ITPR2: variants seen among roughly 807,000 people sequenced by gnomAD.
The protein encoded by ITPR2 is inositol 1,4,5-trisphosphate receptor type 2, also known as inositol 1,4,5-trisphosphate-gated calcium channel ITPR2.
In ITPR2, 207 loss-of-function variants were observed where a neutral mutation model predicts 317.1. The observed-to-expected ratio is 0.65, with a 90% CI of 0.58 to 0.73. ITPR2 has a LOEUF of 0.73. ITPR2 is among the 30% of genes least tolerant of loss of function. ITPR2 has a pLI of 0.00. For missense variants in ITPR2, 2,613 were observed against 3,284.0 expected (o/e 0.80, Z 4.99); for synonymous variants, 1,156 against 1,149.1 (o/e 1.01, Z -0.12).
chr12:26,788,698 C>T (rs192222461), intron 2 of ITPR2, among the ~76,000 whole-genome samples: 19 of 152,208 alleles, frequency 1.2e-4, no homozygotes, highest in Non-Finnish European at 2.4e-4. Context: ...TTAGACACTG[C>T]GGGACCTTCT....
chr12:26,785,102 T>C (rs1369597907), intron 2 of ITPR2, among the ~76,000 whole-genome samples: 2 of 30,268 alleles, frequency 6.6e-5, no homozygotes, highest in Non-Finnish European at 8.3e-5. Context: ...AGCCCCTCCG[T>C]CCGGCAGCCA....
intron 32 of ITPR2, among the ~76,000 whole-genome samples, chr12:26,592,223 T>C (rs11834797): frequency 5.9e-5 from 9 of 152,194 alleles, no homozygotes; most frequent in African/African-American, 2.2e-4. Context: ...TTCATGGAGA[T>C]AGAGAATAAA....
At chr12:26,608,140 T>C (rs1325901657) in intron 26 of ITPR2, among the ~76,000 whole-genome samples, 1 of 152,012 alleles carries the variant, frequency 6.6e-6, no homozygotes, top group African/African-American at 2.4e-5. Flanking sequence ...AATAAATAAA[T>C]AAAATAATGG....
At chr12:26,817,256 C>T (rs1278250081) in intron 1 of ITPR2, among the ~76,000 whole-genome samples, 6 of 149,424 alleles carry the variant, frequency 4.0e-5, no homozygotes, top group African/African-American at 5.0e-5. Flanking sequence ...CACAAGATGA[C>T]GTTTGTATCT....
chr12:26,466,775 G>C (rs1233377391), intron 45 of ITPR2, among the ~76,000 whole-genome samples: 1 of 152,110 alleles, frequency 6.6e-6, no homozygotes, highest in African/African-American at 2.4e-5. Context: ...CAGGGTGCAG[G>C]GGTGGAATAA....
intron 1 of ITPR2, among the ~76,000 whole-genome samples, chr12:26,829,680 G>T (rs1025280500): frequency 1.3e-5 from 2 of 152,132 alleles, no homozygotes; most frequent in Non-Finnish European, 2.9e-5. Context: ...CTATTCCAGT[G>T]AAGGCCAGGA....
intron 55 of ITPR2, among the ~76,000 whole-genome samples, chr12:26,371,329 A>G (rs1465261396): frequency 2.6e-5 from 4 of 152,356 alleles, no homozygotes; most frequent in Non-Finnish European, 5.9e-5. Flanking sequence ...AAAGGACCTT[A>G]GAGATCAATT....
chr12:26,467,880 G>C (rs1942205516), intron 45 of ITPR2, among the ~76,000 whole-genome samples: 2 of 152,070 alleles, frequency 1.3e-5, no homozygotes, highest in South Asian at 4.1e-4. Context: ...CCTATTAGAG[G>C]ATTTAAATCT....
intron 1 of ITPR2, among the ~76,000 whole-genome samples, chr12:26,804,502 G>C (rs1950609799): frequency 6.6e-6 from 1 of 152,058 alleles, no homozygotes; most frequent in African/African-American, 2.4e-5. Flanking sequence ...ACCTCTGAAA[G>C]CTGAGCAAAC....
At chr12:26,666,163 T>TAGATAGATAGATAGATAGATG in intron 13 of ITPR2, 112 bp from the exon 14 acceptor site, 1 of 411,848 alleles carries the variant, frequency 2.4e-6, no homozygotes, top group Admixed American at 8.1e-5. Flanking sequence ...GATAGATAGA[T>TAGATAGATAGATAGATAGATG]TTTTTTTTAC....
chr12:26,569,806 C>G (rs574537457), intron 34 of ITPR2, among the ~76,000 whole-genome samples: 1 of 152,210 alleles, frequency 6.6e-6, no homozygotes, highest in South Asian at 2.1e-4. Context: ...TGGCAAAAAT[C>G]TAACGCACTG....
At chr12:26,479,690 C>G (rs551972537) in intron 43 of ITPR2, among the ~76,000 whole-genome samples, 1 of 152,128 alleles carries the variant, frequency 6.6e-6, no homozygotes, top group South Asian at 2.1e-4. Flanking sequence ...ATGTAAGAAT[C>G]GTCTTTGCTA....
At chr12:26,783,708 T>C (rs1292381460) in intron 2 of ITPR2, among the ~76,000 whole-genome samples, 4 of 152,190 alleles carry the variant, frequency 2.6e-5, no homozygotes, top group African/African-American at 9.7e-5. Flanking sequence ...ACTCTGTTGG[T>C]ATCATATGAG....
At chr12:26,556,722 G>A (rs942653614) in intron 35 of ITPR2, among the ~76,000 whole-genome samples, 3 of 149,612 alleles carry the variant, frequency 2.0e-5, no homozygotes, top group East Asian at 2.0e-4. Flanking sequence ...GGAGACATGA[G>A]AGGTACTCAT....
At chr12:26,447,356 G>C (rs1237291945) in intron 45 of ITPR2, among the ~76,000 whole-genome samples, 3 of 151,868 alleles carry the variant, frequency 2.0e-5, no homozygotes, top group East Asian at 1.9e-4. Flanking sequence ...ATTTTTTCTT[G>C]TTTGATAGTT....
chr12:26,605,793 C>T (rs1422696045), intron 26 of ITPR2, among the ~76,000 whole-genome samples: 4 of 151,938 alleles, frequency 2.6e-5, no homozygotes, highest in Non-Finnish European at 4.4e-5. Context: ...CAAAAGGCAG[C>T]GACATTGGAA....
intron 37 of ITPR2, among the ~76,000 whole-genome samples, chr12:26,536,408 A>T (rs777746921): frequency 2.6e-5 from 4 of 152,272 alleles, no homozygotes; most frequent in African/African-American, 9.6e-5. Context: ...CAGCTGCTCA[A>T]CAGTAGAACT....
At chr12:26,654,149 G>A (rs371335258) in intron 20 of ITPR2, 23 bp from the exon 21 acceptor site, 32 of 1,514,252 alleles carry the variant, frequency 2.1e-5, no homozygotes, top group Middle Eastern at 3.9e-4. Flanking sequence ...AAAAAAGCGG[G>A]GAGGGGGAGG....
chr12:26,763,836 C>T (rs1949676630), intron 2 of ITPR2, among the ~76,000 whole-genome samples: 1 of 152,092 alleles, frequency 6.6e-6, no homozygotes, highest in Admixed American at 6.5e-5. Context: ...ATACCTAAAG[C>T]CAGATCTTTA....
Sources: gnomAD v4.1 joint callset for allele counts (sites outside exome capture counted in the v4.1 genomes callset) on GRCh38, gnomAD v4.1.1 for gene constraint, MANE v1.5 for transcripts, NCBI Gene and HGNC (gene_info 2026-07-23, HGNC 2026-07-21) for gene names.